Variants in CDH3 observed in about 807,000 individuals in gnomAD.
CDH3 encodes the protein cadherin 3, also known as cadherin-3.
CDH3 carries 54 observed loss-of-function variants against 82.0 expected under a neutral mutation model. The observed-to-expected ratio is 0.66, with a 90% CI of 0.53 to 0.83. CDH3 has a LOEUF of 0.83. CDH3 is among the 40% of genes least tolerant of loss of function. CDH3 has a pLI of 0.00. For synonymous variants in CDH3, 446 were observed against 437.9 expected, an observed-to-expected ratio of 1.02 and a Z score of -0.23; for missense variants, 1,054 against 1,084.6, an observed-to-expected ratio of 0.97 and a Z score of 0.40.
At chr16:68,655,498 T>A (rs1960388346) in intron 2 of CDH3, among the ~76,000 whole-genome samples, 1 of 152,232 alleles carries the variant, frequency 6.6e-6, no homozygotes, top group African/African-American at 2.4e-5. Flanking sequence ...AAAGGGCCAC[T>A]TATCTGCTAG....
chr16:68,647,630 G>T (rs1188463625), intron 2 of CDH3, among the ~76,000 whole-genome samples: 1 of 152,150 alleles, frequency 6.6e-6, no homozygotes, highest in Non-Finnish European at 1.5e-5. Flanking sequence ...CTTAGAGTAG[G>T]CTTCTGGTGG....
intron 12 of CDH3, among the ~76,000 whole-genome samples, chr16:68,690,751 A>T (rs1450751205): frequency 6.6e-6 from 1 of 152,100 alleles, no homozygotes; most frequent in East Asian, 1.9e-4. Context: ...TACTAAAAAT[A>T]CAAAAATTAG....
At chr16:68,682,775 TAG>T (rs1471598058) in intron 9 of CDH3, among the ~76,000 whole-genome samples, 2 of 152,218 alleles carry the variant, frequency 1.3e-5, no homozygotes, top group Non-Finnish European at 2.9e-5. Flanking sequence ...CAGTCTCACA[TAG>T]AGAGTCCATC....
intron 2 of CDH3, among the ~76,000 whole-genome samples, chr16:68,662,954 C>T (rs746071312): frequency 2.5e-4 from 37 of 149,138 alleles, no homozygotes; most frequent in Middle Eastern, 3.4e-3. Context: ...CTGCACACTC[C>T]GCCTCCTGGG....
chr16:68,676,286 C>T, intron 2 of CDH3, 99 bp from the exon 3 acceptor site: 1 of 830,420 alleles, frequency 1.2e-6, no homozygotes, highest in South Asian at 1.4e-5. Flanking sequence ...ACTTAGCAGT[C>T]CTGGATCCAG....
At chr16:68,715,701 A>G (rs1215927698) in intron 1 of CDH3, among the ~76,000 whole-genome samples, 1 of 152,170 alleles carries the variant, frequency 6.6e-6, no homozygotes, top group East Asian at 1.9e-4. Flanking sequence ...CTGCCACCCC[A>G]CAGGGAGGTC....
At chr16:68,721,518 G>A (rs1437318909) in intron 1 of CDH3, among the ~76,000 whole-genome samples, 1 of 152,102 alleles carries the variant, frequency 6.6e-6, no homozygotes, top group Non-Finnish European at 1.5e-5. Flanking sequence ...AAAGGCATGA[G>A]CCACCGCACC....
Position 68,698,602 on chromosome 16 carries a change from G to T in CDH3, c.*202G>T. The T allele has an allele frequency of 1.7e-6, 1 of 597,930 alleles. No homozygotes were observed. The highest frequency in any genetic ancestry group is 3.0e-5 in the Admixed American group (1 of 33,836). The allele number at this position is 597,930 out of a possible 1,614,324, so 37.0% of individuals were successfully genotyped here. A position where few individuals can be genotyped will look rare whatever the true frequency, so the allele number is the denominator to read the frequency against. On this transcript the variant is annotated 3_prime_UTR_variant, in exon 16 of 16. Coordinates refer to ENST00000264012, the MANE Select transcript of CDH3 (RefSeq NM_001793.6). Reference sequence around the variant, plus strand: ...GAGGAATGTGGGCAGTTTGACTTCAGCACTGAAAACCTCTCCACCTGGGCC... The same window carrying T: ...GAGGAATGTGGGCAGTTTGACTTCATCACTGAAAACCTCTCCACCTGGGCC...
chr16:68,684,493 A>G, intron 9 of CDH3, 90 bp from the exon 10 acceptor site: 1 of 1,464,274 alleles, frequency 6.8e-7, no homozygotes, highest in South Asian at 1.1e-5. Context: ...GCCCCTCAGT[A>G]TTGGTGTTTT....
At chr16:68,650,853 C>G (rs1489959577) in intron 2 of CDH3, among the ~76,000 whole-genome samples, 1 of 151,828 alleles carries the variant, frequency 6.6e-6, no homozygotes, top group Non-Finnish European at 1.5e-5. Context: ...TGTGAAGGAA[C>G]CAAGGCAAGG....
chr16:68,694,647 C>A, intron 13 of CDH3, among the ~76,000 whole-genome samples: 1 of 151,240 alleles, frequency 6.6e-6, no homozygotes, highest in Non-Finnish European at 1.5e-5. Flanking sequence ...AAAATTCCAA[C>A]ACTGCATTCC....
chr16:68,673,304 C>A (rs1292087912), intron 2 of CDH3, among the ~76,000 whole-genome samples: 2 of 152,098 alleles, frequency 1.3e-5, no homozygotes, highest in Non-Finnish European at 2.9e-5. Context: ...CCATTTCAAC[C>A]ATTTTTAAGT....
chr16:68,695,332 A>C lies in CDH3; in HGVS notation c.2080A>C (p.Thr694Pro). Residue 694 changes from threonine (T) to proline (P), a missense_variant, in exon 14 of 16, where the codon ACC (threonine) becomes CCC (proline). Thr to Pro is a conservative substitution (Grantham distance 38). Coordinates refer to ENST00000264012, the MANE Select transcript of CDH3 (RefSeq NM_001793.6). The part of the protein sequence containing the change: ...KEPLLLPEDD[T>P]RDNVFYYGEE... ...GCCCCTCCTACTCCCAGAAGATGAC[A>C]CCCGTGACAACGTCTTCTACTATGG... 2 of 1,613,982 alleles carry C rather than the reference A, an allele frequency of 1.2e-6. No homozygotes were observed.
chr16:68,729,656 C>G (rs1029196598), downstream of CDH3, among the ~76,000 whole-genome samples: 1 of 152,076 alleles, frequency 6.6e-6, no homozygotes, highest in Non-Finnish European at 1.5e-5. Context: ...TTGTCTGAGA[C>G]AGAGTCTCCT....
chr16:68,697,644 G>T (rs892155845), intron 15 of CDH3, among the ~76,000 whole-genome samples: 3 of 152,160 alleles, frequency 2.0e-5, no homozygotes, highest in Non-Finnish European at 4.4e-5. Context: ...ATTTATAAAA[G>T]ATTCTCCAGA....
intron 1 of CDH3, among the ~76,000 whole-genome samples, chr16:68,718,907 A>T (rs1427833361): frequency 2.6e-5 from 4 of 152,182 alleles, no homozygotes; most frequent in African/African-American, 9.6e-5. Flanking sequence ...TACAACAATT[A>T]ATTGTGGTGT....
chr16:68,647,937 G>T (rs1255915730), intron 2 of CDH3, among the ~76,000 whole-genome samples: 1 of 152,158 alleles, frequency 6.6e-6, no homozygotes, highest in Non-Finnish European at 1.5e-5. Context: ...CCTGGGTTAT[G>T]AATATCAAGG....
At chr16:68,668,216 A>G (rs915796432) in intron 2 of CDH3, among the ~76,000 whole-genome samples, 3 of 152,186 alleles carry the variant, frequency 2.0e-5, no homozygotes, top group Non-Finnish European at 4.4e-5. Context: ...ATTCTGAACT[A>G]TTGCCCCATG....
intron 1 of CDH3, among the ~76,000 whole-genome samples, chr16:68,715,876 G>C (rs1302267404): frequency 6.6e-6 from 1 of 152,202 alleles, no homozygotes; most frequent in East Asian, 1.9e-4. Context: ...CATGACCTTT[G>C]ACCCAGTAAC....
Sources: gnomAD v4.1 joint callset for allele counts (sites outside exome capture counted in the v4.1 genomes callset) on GRCh38, gnomAD v4.1.1 for gene constraint, MANE v1.5 for transcripts, NCBI Gene and HGNC (gene_info 2026-07-23, HGNC 2026-07-21) for gene names.